TRAPPC8: variants seen among roughly 807,000 people sequenced by gnomAD.
TRAPPC8 encodes the protein general sporulation gene 1 homolog.
A neutral mutation model predicts 174.3 loss-of-function variants in TRAPPC8; 54 were observed. That is an observed-to-expected ratio of 0.31 (90% confidence interval 0.25 to 0.39). The LOEUF (loss-of-function observed/expected upper bound fraction) is 0.39. Ranked by LOEUF, TRAPPC8 falls within the 10% of genes least tolerant of loss-of-function variation. The pLI is 1.00. For missense variants in TRAPPC8, 1,531 were observed against 1,699.1 expected (o/e 0.90, Z 1.74); for synonymous variants, 630 against 579.9 (o/e 1.09, Z -1.24).
intron 2 of TRAPPC8, among the ~76,000 whole-genome samples, chr18:31,921,928 CCCT>C (rs2037407980): frequency 1.3e-5 from 2 of 152,144 alleles, no homozygotes; most frequent in South Asian, 2.1e-4. Context: ...CAGTTGTTCC[CCCT>C]AATTATGCAA....
At position 31,858,303 on chromosome 18, in the gene TRAPPC8, C is replaced by T. The variant is rs1309921764; in HGVS notation, c.2746-321G>A. On this transcript the variant is annotated intron_variant, in intron 19 of 28. Coordinates refer to ENST00000283351, the MANE Select transcript of TRAPPC8 (RefSeq NM_014939.5). ...CAGAAAAGTTGAAAGTAATTTAACACGGCTATATGAAGTAAATATCAGTTT... is the reference window on the plus strand; with the variant it reads ...CAGAAAAGTTGAAAGTAATTTAACATGGCTATATGAAGTAAATATCAGTTT... Among the ~76,000 whole-genome samples, 5 of 152,120 alleles carry T rather than the reference C, an allele frequency of 3.3e-5. 1 individual carries two copies. Among genetic ancestry groups the T allele is most frequent in the African/African-American group, 1.2e-4 (5 of 41,426 alleles).
intron 27 of TRAPPC8, 68 bp from the exon 28 acceptor site, chr18:31,832,241 A>G (rs2032416847): frequency 3.4e-6 from 3 of 884,534 alleles, no homozygotes; most frequent in Admixed American, 6.9e-5. Context: ...TCCTGAAAAT[A>G]ACACTTAAGA....
chr18:31,901,095 A>T (rs2036403624), intron 9 of TRAPPC8, 70 bp from the exon 10 acceptor site: 1 of 1,374,646 alleles, frequency 7.3e-7, no homozygotes, highest in Non-Finnish European at 9.9e-7. Flanking sequence ...GGGAAACTAA[A>T]AGTTGGAATG....
At chr18:31,843,492 GAC>G (rs1306103095) in intron 26 of TRAPPC8, among the ~76,000 whole-genome samples, 3 of 151,866 alleles carry the variant, frequency 2.0e-5, no homozygotes, top group African/African-American at 7.3e-5. Flanking sequence ...AAAATTAAAA[GAC>G]ATGCTGATTA....
chr18:31,838,802 T>A (rs1158512274), intron 27 of TRAPPC8, among the ~76,000 whole-genome samples: 3 of 152,170 alleles, frequency 2.0e-5, no homozygotes. Flanking sequence ...CCTAATTTTT[T>A]AATTAGTTCT....
At position 31,909,163 on chromosome 18, in the gene TRAPPC8, C is replaced by T. The variant is rs1429398812; in HGVS notation, c.866-153G>A. The T allele has an allele frequency of 8.7e-6, 3 of 344,148 alleles. No individual in the cohort carries two copies. The Admixed American group carries it at 1.9e-4, about 22-fold the overall frequency. 21.3% of individuals were successfully genotyped at this position (344,148 alleles called of 1,614,324 possible). A position where few individuals can be genotyped will look rare whatever the true frequency, so the allele number is the denominator to read the frequency against. On this transcript the variant is annotated intron_variant, in intron 6 of 28. Transcript: ENST00000283351. The stretch of plus-strand genomic sequence containing the variant: ...GTCTAAGATAAAACAGCAGTAACAT[C>T]CCCCAGCCCCAAAATTAATGAGCTT...
At chr18:31,867,014 A>T in intron 17 of TRAPPC8, 39 bp from the exon 18 acceptor site, 1 of 1,602,334 alleles carries the variant, frequency 6.2e-7, no homozygotes, top group Non-Finnish European at 8.5e-7. Flanking sequence ...ATGTTTTCAT[A>T]ATATCTTAAA....
chr18:31,863,051 C>CAAAAAAAAAAAAAAAAAAAAAA (rs35944569), intron 19 of TRAPPC8, among the ~76,000 whole-genome samples: 1 of 113,786 alleles, frequency 8.8e-6, no homozygotes, highest in Non-Finnish European at 1.8e-5. Flanking sequence ...GACTAGGTCT[C>CAAAAAAAAAAAAAAAAAAAAAA]AAAAAAAAAA....
intron 19 of TRAPPC8, among the ~76,000 whole-genome samples, chr18:31,861,389 T>G (rs780047494): frequency 2.6e-5 from 4 of 152,022 alleles, no homozygotes; most frequent in African/African-American, 4.8e-5. Flanking sequence ...AAAAACCAGA[T>G]GAATGTAAAT....
chr18:31,848,055 T>G (rs1321497668), intron 25 of TRAPPC8, among the ~76,000 whole-genome samples: 1 of 152,144 alleles, frequency 6.6e-6, no homozygotes, highest in East Asian at 1.9e-4. Context: ...TTCTTTAATC[T>G]AATGAATCAT....
intron 18 of TRAPPC8, among the ~76,000 whole-genome samples, chr18:31,865,760 T>C (rs989216860): frequency 4.0e-5 from 6 of 151,544 alleles, no homozygotes; most frequent in African/African-American, 1.5e-4. Flanking sequence ...TAATATCCAG[T>C]TATCTTGCTT....
chr18:31,880,981 A>G (rs1028606747), intron 12 of TRAPPC8, among the ~76,000 whole-genome samples: 5 of 152,096 alleles, frequency 3.3e-5, no homozygotes, highest in Non-Finnish European at 7.4e-5. Flanking sequence ...ACACTGATAA[A>G]AGAAAGTACA....
At chr18:31,831,795 A>G (rs1294522797) in intron 28 of TRAPPC8, among the ~76,000 whole-genome samples, 5 of 152,190 alleles carry the variant, frequency 3.3e-5, no homozygotes, top group African/African-American at 4.8e-5. Flanking sequence ...TATTTTTCCA[A>G]AAATTCAAAA....
intron 26 of TRAPPC8, among the ~76,000 whole-genome samples, chr18:31,843,520 G>A (rs1468723234): frequency 6.6e-6 from 1 of 152,172 alleles, no homozygotes; most frequent in Non-Finnish European, 1.5e-5. Context: ...CTGCAATGTT[G>A]AAAGTTGCAA....
rs959631464 is a variant in TRAPPC8 at position 31,890,727 on chromosome 18, G to A, written c.1728+8C>T. Reference sequence around the variant, plus strand: ...AGCAACTTTTCATTGTAAAGCAAATGCACTCACCTGCCCTGCTTTACTAAA... The same window carrying A: ...AGCAACTTTTCATTGTAAAGCAAATACACTCACCTGCCCTGCTTTACTAAA... On this transcript the variant is annotated splice_region_variant and intron_variant, in intron 12 of 28. Transcript: ENST00000283351. 1.2e-6 allele frequency: 2 copies of A among 1,603,794 alleles called. No individual in the cohort carries two copies. The highest frequency in any genetic ancestry group is 2.7e-5 in the African/African-American group (2 of 74,484).
intron 19 of TRAPPC8, among the ~76,000 whole-genome samples, chr18:31,861,937 G>GT (rs56869439): frequency 6.0e-5 from 2 of 33,438 alleles, no homozygotes; most frequent in Admixed American, 7.4e-4. Context: ...AAAAAAAAAA[G>GT]GGGGGGGGGG....
In TRAPPC8 at chr18:31,923,187, A is replaced by G. The variant is rs114800042; in HGVS notation, c.353-5520T>C. ...GAGTAAACAGGATAATGGATGATAA[A>G]ATAGATAACAAAAGTTGAAAAAAAT... is the stretch of plus-strand genomic sequence containing the variant. On this transcript the variant is annotated intron_variant, in intron 2 of 28. Transcript: ENST00000283351. Among the ~76,000 whole-genome samples, 1,267 of 152,328 alleles carry G rather than the reference A, an allele frequency of 8.3e-3. 18 individuals carry two copies. Among genetic ancestry groups the G allele is most frequent in the African/African-American group, 0.029 (1,198 of 41,592 alleles).
At chr18:31,891,048 T>G in intron 11 of TRAPPC8, 182 bp from the exon 12 acceptor site, 2 of 387,988 alleles carry the variant, frequency 5.2e-6, no homozygotes, top group Non-Finnish European at 8.5e-6. Flanking sequence ...CAAAATTCTT[T>G]TAAGCTTTGA....
intron 26 of TRAPPC8, among the ~76,000 whole-genome samples, chr18:31,846,237 A>C (rs963673937): frequency 6.6e-6 from 1 of 152,166 alleles, no homozygotes; most frequent in Non-Finnish European, 1.5e-5. Flanking sequence ...TTTAACTTTA[A>C]TCATTCTTCT....
Sources: gnomAD v4.1 joint callset for allele counts (sites outside exome capture counted in the v4.1 genomes callset) on GRCh38, gnomAD v4.1.1 for gene constraint, MANE v1.5 for transcripts, NCBI Gene and HGNC (gene_info 2026-07-23, HGNC 2026-07-21) for gene names.